MITF: variants seen among roughly 807,000 people sequenced by gnomAD.
MITF encodes microphthalmia-associated transcription factor.
In MITF, 17 loss-of-function variants were observed where a neutral mutation model predicts 60.5. The observed-to-expected ratio is 0.28, with a 90% CI of 0.19 to 0.42. The LOEUF (loss-of-function observed/expected upper bound fraction) is 0.42. Ranked by LOEUF, MITF falls within the 10% of genes least tolerant of loss-of-function variation. MITF has a pLI of 1.00. For synonymous variants in MITF, 260 were observed against 248.5 expected (o/e 1.05, Z -0.43); for missense variants, 622 against 683.5 (o/e 0.91, Z 1.00).
intron 1 of MITF, among the ~76,000 whole-genome samples, chr3:69,875,438 A>G (rs1302020828): frequency 6.6e-6 from 1 of 152,198 alleles, no homozygotes; most frequent in Non-Finnish European, 1.5e-5. Flanking sequence ...GAGATTAGAA[A>G]CCAGGTATTC....
In MITF at chr3:69,965,076, C is replaced by G. The variant is rs745382803; in HGVS notation, c.1409C>G (p.Ala470Gly). The G allele has an allele frequency of 6.2e-7, 1 of 1,614,130 alleles. No homozygotes were observed. Among genetic ancestry groups the G allele is most frequent in the South Asian group, 1.1e-5 (1 of 91,080 alleles). ...GGAACTGGGACTGAGGCCAACCAAG[C>G]CTATAGTGTCCCCACAAAAATGGGA... is the stretch of plus-strand genomic sequence containing the variant. Reference protein sequence around the residue: ...NLGTGTEANQAYSVPTKMGSK... With the variant: ...NLGTGTEANQGYSVPTKMGSK... The change falls in exon 10 of 10, where the codon GCC (alanine) becomes GGC (glycine). Residue 470 changes from alanine to glycine, a missense_variant. This residue lies in a region of MITF where 224 missense variants were observed against 209.5 expected (regional missense o/e 1.07). Transcript: ENST00000352241.
At chr3:69,892,219 T>TA (rs2064776089) in intron 2 of MITF, among the ~76,000 whole-genome samples, 2 of 152,204 alleles carry the variant, frequency 1.3e-5, no homozygotes, top group Non-Finnish European at 2.9e-5. Flanking sequence ...CGTAATCAAA[T>TA]AGGGCCTTGA....
rs2063413962 is a variant in MITF at position 69,829,687 on chromosome 3, CACACACACACCAACT to C, written c.105-49446_105-49432del. The stretch of plus-strand genomic sequence containing the variant: ...AGGTGTGGATGCACACACACACACA[CACACACACACCAACT>C]GTCAGGTGATAGATTGTTTCCACCT... On this transcript the variant is annotated intron_variant, in intron 1 of 9. Coordinates refer to ENST00000352241, the MANE Select transcript of MITF (RefSeq NM_001354604.2). Among the ~76,000 whole-genome samples the C allele has an allele frequency of 4.9e-5, 7 of 143,660 alleles. No homozygotes were observed. The South Asian group carries it at 1.6e-3, about 33-fold the overall frequency. The allele number at this position is 143,660 out of a possible 152,430, so 94.2% of individuals were successfully genotyped here.
At chr3:69,952,666 G>T (rs542744190) in intron 7 of MITF, among the ~76,000 whole-genome samples, 1 of 152,052 alleles carries the variant, frequency 6.6e-6, no homozygotes, top group Non-Finnish European at 1.5e-5. Context: ...AGGAATATGC[G>T]TGTTGGTTTC....
chr3:69,964,829 T>A lies in MITF; in HGVS notation c.1180-18T>A. 4.3e-6 allele frequency: 7 copies of A among 1,613,652 alleles called. No homozygotes were observed. The highest frequency in any genetic ancestry group is 5.9e-6 in the Non-Finnish European group (7 of 1,179,628). ...GTGCTCTGCCTATTTCAGTGTTTTATCTTTACTCTTATTATAGGAACTTGA... is the reference window on the plus strand; with the variant it reads ...GTGCTCTGCCTATTTCAGTGTTTTAACTTTACTCTTATTATAGGAACTTGA... On this transcript the variant is annotated intron_variant, in intron 9 of 9. Transcript: ENST00000352241.
chr3:69,844,304 A>G (rs547533107), intron 1 of MITF, among the ~76,000 whole-genome samples: 1 of 152,326 alleles, frequency 6.6e-6, no homozygotes, highest in African/African-American at 2.4e-5. Context: ...CAGAGGCCTC[A>G]GAAATAATGC....
At chr3:69,848,570 G>A (rs552542130) in intron 1 of MITF, among the ~76,000 whole-genome samples, 3 of 152,256 alleles carry the variant, frequency 2.0e-5, no homozygotes, top group African/African-American at 4.8e-5. Context: ...AAGAAGAATC[G>A]AGTAGAATGT....
At chr3:69,844,228 G>T (rs1243813579) in intron 1 of MITF, among the ~76,000 whole-genome samples, 2 of 152,030 alleles carry the variant, frequency 1.3e-5, no homozygotes, top group Non-Finnish European at 2.9e-5. Flanking sequence ...CCTTGTAGTA[G>T]AACTATAGTA....
intron 1 of MITF, among the ~76,000 whole-genome samples, chr3:69,876,988 T>G (rs549108669): frequency 1.6e-4 from 24 of 152,326 alleles, no homozygotes; most frequent in African/African-American, 5.5e-4. Flanking sequence ...CCCTGGCAAC[T>G]ATCGTGATCT....
chr3:69,802,120 C>G (rs533649625), intron 1 of MITF, among the ~76,000 whole-genome samples: 1 of 152,150 alleles, frequency 6.6e-6, no homozygotes, highest in African/African-American at 2.4e-5. Flanking sequence ...AGCAGTGGCT[C>G]TCACCTGAGG....
chr3:69,951,737 T>G, intron 6 of MITF, 75 bp from the exon 7 acceptor site: 512 of 1,064,214 alleles, frequency 4.8e-4, no homozygotes, highest in Non-Finnish European at 6.9e-4. Flanking sequence ...GTTTGGGAAA[T>G]GAGATATTTT....
rs568067379 is a variant in MITF, at chr3:69,897,824, C to T, written c.354+18441C>T. On this transcript the variant is annotated intron_variant, in intron 2 of 9. Transcript: ENST00000352241. ...ATAAATTAACATTTATTGAATTAAC[C>T]TACAAATGAATGAATGAATTAATAA... is the stretch of plus-strand genomic sequence containing the variant. Among the ~76,000 whole-genome samples the T allele has an allele frequency of 1.1e-4, 17 of 152,212 alleles. No individual in the cohort carries two copies. In the South Asian group the frequency reaches 3.3e-3, roughly 30 times the overall value.
At chr3:69,803,650 A>C (rs113538015) in intron 1 of MITF, among the ~76,000 whole-genome samples, 1,653 of 152,350 alleles carry the variant, frequency 0.011, 37 homozygotes, top group African/African-American at 0.037. Flanking sequence ...GTTATTGTAG[A>C]AATTTCTTTA....
intron 1 of MITF, among the ~76,000 whole-genome samples, chr3:69,857,823 G>A (rs2063945936): frequency 6.6e-6 from 1 of 152,100 alleles, no homozygotes. Context: ...TATTTGTTTA[G>A]TGGATGAATG....
chr3:69,872,760 C>A (rs771225042), intron 1 of MITF, among the ~76,000 whole-genome samples: 1 of 152,056 alleles, frequency 6.6e-6, no homozygotes, highest in Non-Finnish European at 1.5e-5. Context: ...AAACATCTTC[C>A]ATTTTTAGCA....
At chr3:69,892,651 AT>A (rs1256236731) in intron 2 of MITF, among the ~76,000 whole-genome samples, 1 of 152,214 alleles carries the variant, frequency 6.6e-6, no homozygotes, top group Non-Finnish European at 1.5e-5. Flanking sequence ...ATCAAGAGTT[AT>A]TTAAATTCTA....
At chr3:69,840,577 G>T (rs967882176) in intron 1 of MITF, among the ~76,000 whole-genome samples, 1 of 151,826 alleles carries the variant, frequency 6.6e-6, no homozygotes, top group Non-Finnish European at 1.5e-5. Flanking sequence ...TTACCAAAGA[G>T]CTTTTTTTAA....
chr3:69,776,044 A>C (rs2062468863), intron 1 of MITF, among the ~76,000 whole-genome samples: 1 of 152,240 alleles, frequency 6.6e-6, no homozygotes, highest in African/African-American at 2.4e-5. Context: ...TATGAACTGA[A>C]GAGTTTTAAA....
chr3:69,790,780 G>A (rs1281856995), intron 1 of MITF, among the ~76,000 whole-genome samples: 1 of 152,158 alleles, frequency 6.6e-6, no homozygotes, highest in African/African-American at 2.4e-5. Context: ...GGCTGTAGCT[G>A]AGGAGCAGCA....
Sources: allele counts gnomAD v4.1 joint callset (sites outside exome capture counted in the v4.1 genomes callset), GRCh38; gene constraint gnomAD v4.1.1; regional missense constraint gnomAD v4.1.1; transcripts MANE v1.5; gene names NCBI Gene and HGNC (gene_info 2026-07-23, HGNC 2026-07-21).